The following INPP4B variants were observed in gnomAD, a reference collection of about 807,000 sequenced individuals.
INPP4B encodes inositol polyphosphate-4-phosphatase type II B.
INPP4B carries 55 observed loss-of-function variants against 122.5 expected under a neutral mutation model. The ratio of observed to expected loss-of-function variants is 0.45; its 90% CI spans 0.36 to 0.56. The LOEUF (loss-of-function observed/expected upper bound fraction) is 0.56, where lower values mean the gene tolerates loss of function less well. INPP4B is among the 20% of genes least tolerant of loss of function. INPP4B has a pLI of 0.00. For missense variants in INPP4B, 1,000 were observed against 1,097.7 expected (o/e 0.91, Z 1.26); for synonymous variants, 403 against 388.7 (o/e 1.04, Z -0.43).
At chr4:142,644,869 G>A (rs1204816745) in intron 2 of INPP4B, among the ~76,000 whole-genome samples, 2 of 128,916 alleles carry the variant, frequency 1.6e-5, no homozygotes, top group Non-Finnish European at 3.1e-5. Flanking sequence ...TCAGGCCACT[G>A]CACTCCAGCC....
chr4:142,311,051 T>C (rs143841542), intron 8 of INPP4B, among the ~76,000 whole-genome samples: 1,846 of 151,972 alleles, frequency 0.012, 36 homozygotes, highest in African/African-American at 0.042. Flanking sequence ...TAAACTCCTT[T>C]AAAAAAAATT....
chr4:142,814,392 G>A (rs761027662), intron 1 of INPP4B, among the ~76,000 whole-genome samples: 2 of 152,106 alleles, frequency 1.3e-5, no homozygotes, highest in Non-Finnish European at 2.9e-5. Flanking sequence ...ATTGAAAAAT[G>A]TGTCTATTTT....
chr4:142,544,028 A>G (rs1184585945), intron 2 of INPP4B, among the ~76,000 whole-genome samples: 8 of 151,912 alleles, frequency 5.3e-5, no homozygotes, highest in Admixed American at 6.6e-5. Context: ...TATGTGTGGA[A>G]GTTTTCTTTG....
At chr4:142,030,327 G>C in intron 25 of INPP4B, 10 of 1,524,762 alleles carry the variant, frequency 6.6e-6, no homozygotes, top group Non-Finnish European at 8.8e-6. Flanking sequence ...GAAGTTGGGG[G>C]GGAAAAGAAA....
chr4:142,740,165 C>T (rs946264526), intron 1 of INPP4B, among the ~76,000 whole-genome samples: 1 of 151,908 alleles, frequency 6.6e-6, no homozygotes, highest in African/African-American at 2.4e-5. Context: ...AGAAATAATT[C>T]AGCTGAAACA....
chr4:142,421,643 A>G (rs1806920075), intron 5 of INPP4B, among the ~76,000 whole-genome samples: 1 of 152,146 alleles, frequency 6.6e-6, no homozygotes, highest in South Asian at 2.1e-4. Context: ...TGAGCATTAA[A>G]TGCATCACCT....
chr4:142,248,306 CTGTCTCTGTGTT>C (rs1729983520), intron 11 of INPP4B, among the ~76,000 whole-genome samples: 1 of 149,742 alleles, frequency 6.7e-6, no homozygotes, highest in Non-Finnish European at 1.5e-5. Context: ...TTCCCTCTCT[CTGTCTCTGTGTT>C]TCTCTCTCTC....
chr4:142,382,047 AC>A (rs749195045), intron 7 of INPP4B, among the ~76,000 whole-genome samples: 3 of 152,126 alleles, frequency 2.0e-5, no homozygotes, highest in East Asian at 1.9e-4. Flanking sequence ...AAAGAAAAAA[AC>A]GTATCTAATT....
Position 142,625,864 on chromosome 4 carries a change from C to A in INPP4B, c.-191+99975G>T, listed in dbSNP as rs748804015. Among the ~76,000 whole-genome samples, 7 of 152,130 alleles carry A rather than the reference C, an allele frequency of 4.6e-5. No homozygotes were observed. In the East Asian group the frequency reaches 1.4e-3, roughly 30 times the overall value. On this transcript the variant is annotated intron_variant, in intron 2 of 25. Coordinates refer to ENST00000262992, the MANE Select transcript of INPP4B (RefSeq NM_001101669.3). ...ACTATCTGATCTTTGACAAACCTGA[C>A]AAAAACAAGAAATGGGGAAAGGATT...
intron 19 of INPP4B, 27 bp downstream of exon 19, chr4:142,124,561 G>A: frequency 6.3e-7 from 1 of 1,596,588 alleles, no homozygotes; most frequent in Non-Finnish European, 8.6e-7. Context: ...GCATTGTTTT[G>A]TACTAACAAT....
At chr4:142,630,746 C>T (rs1401177053) in intron 2 of INPP4B, among the ~76,000 whole-genome samples, 2 of 152,052 alleles carry the variant, frequency 1.3e-5, no homozygotes, top group Non-Finnish European at 2.9e-5. Context: ...TTTATATAGC[C>T]TCACAGCACT....
At chr4:142,839,513 T>C (rs1188533733) in intron 1 of INPP4B, among the ~76,000 whole-genome samples, 1 of 152,186 alleles carries the variant, frequency 6.6e-6, no homozygotes, top group Non-Finnish European at 1.5e-5. Context: ...AAGTACTTAA[T>C]TTACCTAATG....
At chr4:142,841,002 T>C (rs1783410184) in intron 1 of INPP4B, among the ~76,000 whole-genome samples, 1 of 152,038 alleles carries the variant, frequency 6.6e-6, no homozygotes, top group Non-Finnish European at 1.5e-5. Flanking sequence ...AACAAAGTGA[T>C]TTACAGGTTT....
At chr4:142,427,326 C>T in intron 5 of INPP4B, 1 of 396,870 alleles carries the variant, frequency 2.5e-6, no homozygotes, top group South Asian at 6.8e-5. Context: ...TCAAGCATTT[C>T]TTGCCATTTG....
chr4:142,216,744 G>T (rs1467052350), intron 12 of INPP4B, among the ~76,000 whole-genome samples: 1 of 152,064 alleles, frequency 6.6e-6, no homozygotes, highest in Admixed American at 6.6e-5. Context: ...TATATGACAT[G>T]TTTAAAACAC....
intron 24 of INPP4B, among the ~76,000 whole-genome samples, chr4:142,082,508 C>T (rs1774464386): frequency 6.6e-6 from 1 of 152,182 alleles, no homozygotes; most frequent in South Asian, 2.1e-4. Flanking sequence ...CAATGCTAAA[C>T]TAATCCCAGC....
At chr4:142,695,750 T>C (rs542061844) in intron 2 of INPP4B, among the ~76,000 whole-genome samples, 80 of 152,276 alleles carry the variant, frequency 5.3e-4, no homozygotes, top group Middle Eastern at 6.8e-3. Context: ...CAGTGCTCTA[T>C]CCAACAGAGC....
At chr4:142,325,880 C>T (rs1051603654) in intron 7 of INPP4B, among the ~76,000 whole-genome samples, 4 of 152,212 alleles carry the variant, frequency 2.6e-5, no homozygotes, top group African/African-American at 7.2e-5. Context: ...CCATTACCCA[C>T]ATTTTATTCC....
chr4:142,125,186 A>T lies in INPP4B; in HGVS notation c.1721-426T>A, dbSNP rs531216804. 2.0e-5 allele frequency among the ~76,000 whole-genome samples: 3 copies of T among 152,044 alleles called. No homozygotes were observed. In the East Asian group the frequency reaches 5.8e-4, roughly 30 times the overall value. On this transcript the variant is annotated intron_variant, in intron 18 of 25. Transcript: ENST00000262992. Reference sequence around the variant, plus strand: ...ATCAATATGCATCTTCTCCTTGTCCATGCCCATCGTTGTTTATTGCTCTCC... The same window carrying T: ...ATCAATATGCATCTTCTCCTTGTCCTTGCCCATCGTTGTTTATTGCTCTCC...
Sources: allele counts gnomAD v4.1 joint callset (sites outside exome capture counted in the v4.1 genomes callset), GRCh38; gene constraint gnomAD v4.1.1; transcripts MANE v1.5; gene names NCBI Gene and HGNC (gene_info 2026-07-23, HGNC 2026-07-21).